RNLS: variants seen among roughly 807,000 people sequenced by gnomAD.
The protein encoded by RNLS is renalase.
A neutral mutation model predicts 39.8 loss-of-function variants in RNLS; 39 were observed. The observed-to-expected ratio is 0.98, with a 90% CI of 0.76 to 1.28. The LOEUF is 1.28. RNLS is among the 50% of genes most tolerant of loss of function. The pLI is 0.00. For missense variants in RNLS, 410 were observed against 413.3 expected (o/e 0.99, Z 0.07); for synonymous variants, 147 against 150.7 (o/e 0.98, Z 0.18).
intron 4 of RNLS, among the ~76,000 whole-genome samples, chr10:88,520,325 T>C (rs1846651359): frequency 6.6e-6 from 1 of 152,020 alleles, no homozygotes; most frequent in Non-Finnish European, 1.5e-5. Context: ...ATTAAAGTTT[T>C]GTTAATAGTT....
chr10:88,188,035 A>G, the RNLS span, among the ~76,000 whole-genome samples: 1 of 152,110 alleles, frequency 6.6e-6, no homozygotes, highest in Non-Finnish European at 1.5e-5. Flanking sequence ...CATGTCCTTT[A>G]CTTGAAAATA....
At chr10:88,524,947 TGG>T (rs1846993871) in intron 4 of RNLS, among the ~76,000 whole-genome samples, 1 of 79,436 alleles carries the variant, frequency 1.3e-5, no homozygotes, top group African/African-American at 6.5e-5. Context: ...TATATATATA[TGG>T]CACACACATA....
Position 88,284,904 on chromosome 10 carries a change from C to A in RNLS, c.*450G>T, listed in dbSNP as rs1000027976. ...TCTGTTACCTACATTTTGGAAAAAT[C>A]TTGTTTTGTATAATTTGCAAAAATA... On this transcript the variant is annotated 3_prime_UTR_variant, in exon 7 of 7. Transcript: ENST00000331772. 7 of 985,764 alleles carry A rather than the reference C, an allele frequency of 7.1e-6. No individual in the cohort carries two copies. Among genetic ancestry groups the A allele is most frequent in the Non-Finnish European group, 8.4e-6 (7 of 830,188 alleles). The allele number at this position is 985,764 out of a possible 1,614,324, so 61.1% of individuals were successfully genotyped here. A position where few individuals can be genotyped will look rare whatever the true frequency, so the allele number is the denominator to read the frequency against.
At chr10:88,174,638 T>G in the RNLS span, among the ~76,000 whole-genome samples, 1 of 152,246 alleles carries the variant, frequency 6.6e-6, no homozygotes, top group South Asian at 2.1e-4. Flanking sequence ...AGCTTTTTGA[T>G]ATACTGCTGG....
chr10:88,510,748 G>A (rs1219209746), intron 4 of RNLS, among the ~76,000 whole-genome samples: 2 of 151,700 alleles, frequency 1.3e-5, no homozygotes. Flanking sequence ...TCAGGAGGCT[G>A]AAGCAGGAGA....
the RNLS span, among the ~76,000 whole-genome samples, chr10:88,264,293 G>A: frequency 3.9e-5 from 6 of 152,166 alleles, no homozygotes; most frequent in African/African-American, 1.4e-4. Context: ...GCATGTGGAA[G>A]TATCTTTTTC....
At chr10:88,212,240 TC>T in the RNLS span, among the ~76,000 whole-genome samples, 348 of 152,298 alleles carry the variant, frequency 2.3e-3, no homozygotes, top group African/African-American at 7.7e-3. Context: ...ATCTTTCTCT[TC>T]TCAAGTGGGT....
intron 4 of RNLS, among the ~76,000 whole-genome samples, chr10:88,438,501 C>T (rs912153022): frequency 6.6e-6 from 1 of 152,178 alleles, no homozygotes; most frequent in Non-Finnish European, 1.5e-5. Context: ...ATTTGTTCCC[C>T]CATCTGATGC....
chr10:88,448,803 T>C (rs1842193845), intron 4 of RNLS, among the ~76,000 whole-genome samples: 1 of 152,196 alleles, frequency 6.6e-6, no homozygotes, highest in Non-Finnish European at 1.5e-5. Context: ...ATATACACCA[T>C]GCAATTCTAT....
chr10:88,290,152 A>G (rs1446411263), intron 6 of RNLS, among the ~76,000 whole-genome samples: 1 of 152,206 alleles, frequency 6.6e-6, no homozygotes, highest in African/African-American at 2.4e-5. Context: ...TTTGCAAAAT[A>G]ATTCAAATAA....
At chr10:88,358,815 A>G (rs766681131) in intron 5 of RNLS, among the ~76,000 whole-genome samples, 1 of 152,170 alleles carries the variant, frequency 6.6e-6, no homozygotes, top group Non-Finnish European at 1.5e-5. Context: ...GGCTACTTCT[A>G]TATCCTCTAG....
chr10:88,557,627 T>A (rs1179633936), intron 4 of RNLS, among the ~76,000 whole-genome samples: 2 of 152,172 alleles, frequency 1.3e-5, no homozygotes, highest in Non-Finnish European at 2.9e-5. Flanking sequence ...TTTTTATCCT[T>A]CCCTTCCTCT....
intron 6 of RNLS, among the ~76,000 whole-genome samples, chr10:88,289,091 T>C (rs541919317): frequency 6.6e-6 from 1 of 152,286 alleles, no homozygotes; most frequent in East Asian, 1.9e-4. Flanking sequence ...TTGCCTGCTC[T>C]AGAGTAGCAA....
intron 4 of RNLS, among the ~76,000 whole-genome samples, chr10:88,467,932 A>G (rs1041351600): frequency 3.9e-5 from 6 of 152,224 alleles, no homozygotes; most frequent in Non-Finnish European, 7.3e-5. Flanking sequence ...TGCATATTAC[A>G]CTTTGGGAAG....
At chr10:88,485,652 A>G (rs1235843907) in intron 4 of RNLS, among the ~76,000 whole-genome samples, 1 of 151,686 alleles carries the variant, frequency 6.6e-6, no homozygotes, top group Non-Finnish European at 1.5e-5. Context: ...CAAAAAAAAA[A>G]AAAAAAAACG....
intron 4 of RNLS, among the ~76,000 whole-genome samples, chr10:88,428,501 A>T (rs1215943719): frequency 6.6e-6 from 1 of 151,968 alleles, no homozygotes; most frequent in Non-Finnish European, 1.5e-5. Flanking sequence ...GACTGATAAG[A>T]CTGTCCATGT....
intron 4 of RNLS, among the ~76,000 whole-genome samples, chr10:88,401,980 T>G (rs1396572981): frequency 6.6e-6 from 1 of 151,942 alleles, no homozygotes; most frequent in Non-Finnish European, 1.5e-5. Context: ...TTCCACACTA[T>G]GGAGAAACTC....
intron 4 of RNLS, among the ~76,000 whole-genome samples, chr10:88,446,604 T>C (rs934068009): frequency 1.3e-5 from 2 of 151,708 alleles, no homozygotes; most frequent in African/African-American, 4.8e-5. Flanking sequence ...GAGAATCAAA[T>C]AGATGCAATA....
intron 6 of RNLS, among the ~76,000 whole-genome samples, chr10:88,306,278 A>G (rs1015276611): frequency 6.6e-6 from 1 of 152,150 alleles, no homozygotes; most frequent in African/African-American, 2.4e-5. Context: ...TTACAGAACC[A>G]AGAGCAAATA....
Sources: gnomAD v4.1 joint callset for allele counts (sites outside exome capture counted in the v4.1 genomes callset) on GRCh38, gnomAD v4.1.1 for gene constraint, MANE v1.5 for transcripts, NCBI Gene and HGNC (gene_info 2026-07-23, HGNC 2026-07-21) for gene names.